The following PTPRM variants were observed in gnomAD, a reference collection of about 807,000 sequenced individuals.
The protein encoded by PTPRM is receptor-type tyrosine-protein phosphatase mu.
In PTPRM, 47 loss-of-function variants were observed where a neutral mutation model predicts 186.7. That is an observed-to-expected ratio of 0.25 (90% CI 0.20 to 0.32). PTPRM has a LOEUF of 0.32. PTPRM is among the 10% of genes least tolerant of loss of function. PTPRM has a pLI of 1.00. For missense variants in PTPRM, 1,494 were observed against 1,865.0 expected (o/e 0.80, Z 3.66); for synonymous variants, 668 against 674.9 (o/e 0.99, Z 0.16).
chr18:7,920,097 G>T (rs1300870777), intron 4 of PTPRM, among the ~76,000 whole-genome samples: 1 of 151,946 alleles, frequency 6.6e-6, no homozygotes, highest in Non-Finnish European at 1.5e-5. Context: ...AGTTGAGGTG[G>T]ATTTCTTGTA....
intron 2 of PTPRM, among the ~76,000 whole-genome samples, chr18:7,816,112 C>A (rs1598859901): frequency 6.6e-6 from 1 of 152,164 alleles, no homozygotes. Context: ...CCAAAGAATT[C>A]TGTGATAAAA....
At chr18:7,600,737 A>G (rs949189411) in intron 1 of PTPRM, among the ~76,000 whole-genome samples, 5 of 152,082 alleles carry the variant, frequency 3.3e-5, no homozygotes, top group Non-Finnish European at 1.5e-5. Flanking sequence ...TGGCTGTGCC[A>G]TTGTGTGCTC....
chr18:7,602,281 C>G (rs927417140), intron 1 of PTPRM, among the ~76,000 whole-genome samples: 12 of 152,090 alleles, frequency 7.9e-5, no homozygotes, highest in African/African-American at 2.7e-4. Flanking sequence ...GAACTTGACT[C>G]CATCTAGCAC....
At chr18:8,072,836 A>G (rs1003849269) in intron 8 of PTPRM, among the ~76,000 whole-genome samples, 11 of 152,190 alleles carry the variant, frequency 7.2e-5, no homozygotes, top group African/African-American at 2.7e-4. Flanking sequence ...GCTTCTAAAA[A>G]TAGGTACTAG....
chr18:8,209,270 C>T (rs1460863364), intron 14 of PTPRM, among the ~76,000 whole-genome samples: 4 of 152,032 alleles, frequency 2.6e-5, no homozygotes, highest in African/African-American at 9.7e-5. Flanking sequence ...GAGACTGCAC[C>T]GACAGCACAG....
At chr18:7,921,737 T>G (rs1041791440) in intron 4 of PTPRM, among the ~76,000 whole-genome samples, 1 of 152,142 alleles carries the variant, frequency 6.6e-6, no homozygotes, top group African/African-American at 2.4e-5. Context: ...TTCTGTTTTT[T>G]TTTGTTTGTT....
intron 14 of PTPRM, among the ~76,000 whole-genome samples, chr18:8,219,249 T>C (rs2094125808): frequency 6.6e-6 from 1 of 152,118 alleles, no homozygotes; most frequent in South Asian, 2.1e-4. Flanking sequence ...GGGTGGATCA[T>C]GAGGTCAGGC....
chr18:8,320,832 C>G (rs2095341306), intron 22 of PTPRM, among the ~76,000 whole-genome samples: 2 of 152,282 alleles, frequency 1.3e-5, no homozygotes, highest in Admixed American at 6.5e-5. Context: ...GGTAATGGCT[C>G]CTTCCAAGGT....
intron 14 of PTPRM, among the ~76,000 whole-genome samples, chr18:8,219,239 G>A (rs548407057): frequency 2.6e-5 from 4 of 152,304 alleles, no homozygotes; most frequent in Non-Finnish European, 2.9e-5. Context: ...AGGCCGAGAC[G>A]GGTGGATCAT....
At chr18:8,066,659 C>T (rs566896368) in intron 7 of PTPRM, among the ~76,000 whole-genome samples, 2 of 152,240 alleles carry the variant, frequency 1.3e-5, no homozygotes, top group South Asian at 2.1e-4. Context: ...CAAAAGCTTC[C>T]GTAAGATAGT....
chr18:8,287,753 C>T (rs1406609809), intron 19 of PTPRM, among the ~76,000 whole-genome samples: 1 of 152,184 alleles, frequency 6.6e-6, no homozygotes, highest in Non-Finnish European at 1.5e-5. Flanking sequence ...GCAATATCTG[C>T]ATCAGAGGCA....
intron 19 of PTPRM, among the ~76,000 whole-genome samples, chr18:8,275,102 G>A (rs1377708381): frequency 6.6e-6 from 1 of 152,136 alleles, no homozygotes; most frequent in African/African-American, 2.4e-5. Flanking sequence ...CCCTGTCTCA[G>A]TTCTGTCCAT....
chr18:8,284,327 A>C (rs1405601567), intron 19 of PTPRM, among the ~76,000 whole-genome samples: 3 of 152,208 alleles, frequency 2.0e-5, no homozygotes, highest in Non-Finnish European at 4.4e-5. Context: ...TTTTAATCTA[A>C]TATCTGGTTT....
chr18:7,808,200 A>T (rs1291676657), intron 2 of PTPRM, among the ~76,000 whole-genome samples: 1 of 152,194 alleles, frequency 6.6e-6, no homozygotes, highest in Non-Finnish European at 1.5e-5. Context: ...GATTGACAGC[A>T]TGGAATTCAA....
chr18:8,397,560 C>A (rs570345569), intron 32 of PTPRM, among the ~76,000 whole-genome samples: 1 of 152,292 alleles, frequency 6.6e-6, no homozygotes, highest in African/African-American at 2.4e-5. Flanking sequence ...TTTTTCCTGA[C>A]CCCTTTTTCA....
intron 2 of PTPRM, among the ~76,000 whole-genome samples, chr18:7,819,022 G>C (rs529390441): frequency 6.6e-6 from 1 of 152,308 alleles, no homozygotes; most frequent in Non-Finnish European, 1.5e-5. Flanking sequence ...GCAGTGATTT[G>C]AGGAAAGGGT....
At chr18:8,021,834 C>A (rs889554135) in intron 7 of PTPRM, among the ~76,000 whole-genome samples, 2 of 152,126 alleles carry the variant, frequency 1.3e-5, no homozygotes, top group Non-Finnish European at 2.9e-5. Flanking sequence ...CCTCCTGTCT[C>A]AGCCTCTCAA....
At chr18:7,634,030 G>T (rs534330660) in intron 1 of PTPRM, among the ~76,000 whole-genome samples, 20 of 152,032 alleles carry the variant, frequency 1.3e-4, no homozygotes, top group African/African-American at 3.9e-4. Flanking sequence ...TCCAAGGCCC[G>T]CTGGGTATGG....
intron 1 of PTPRM, among the ~76,000 whole-genome samples, chr18:7,576,972 A>G (rs532987858): frequency 1.3e-5 from 2 of 152,368 alleles, no homozygotes; most frequent in South Asian, 4.1e-4. Context: ...TTACTTAACA[A>G]TTTTAGCATG....
Sources: gnomAD v4.1 joint callset for allele counts (sites outside exome capture counted in the v4.1 genomes callset) on GRCh38, gnomAD v4.1.1 for gene constraint, MANE v1.5 for transcripts, NCBI Gene and HGNC (gene_info 2026-07-23, HGNC 2026-07-21) for gene names.